The following FBN3 variants were observed in gnomAD, a reference collection of about 807,000 sequenced individuals.
FBN3 encodes fibrillin-3.
Under a neutral mutation model 330.1 loss-of-function variants are expected in FBN3, and 234 were observed. The observed-to-expected ratio is 0.71, with a 90% CI of 0.64 to 0.79. The LOEUF (loss-of-function observed/expected upper bound fraction) is 0.79. Among genes scored for constraint, FBN3 ranks in the 30% least tolerant of loss-of-function variants. FBN3 has a pLI of 0.00. For missense variants in FBN3, 3,606 were observed against 3,886.9 expected (o/e 0.93, Z 1.92); for synonymous variants, 1,458 against 1,517.3 (o/e 0.96, Z 0.91).
chr19:8,115,282 C>T lies in FBN3; in HGVS notation c.3838+233G>A, dbSNP rs533897110. The stretch of plus-strand genomic sequence containing the variant: ...ATTGCATCAAATTATGAGGGATTCA[C>T]GTTTCAGAAATGCTGCTGCAGACAC... On this transcript the variant is annotated intron_variant, in intron 30 of 63. Coordinates refer to ENST00000600128, the MANE Select transcript of FBN3 (RefSeq NM_032447.5). Among the ~76,000 whole-genome samples the T allele has an allele frequency of 3.9e-5, 6 of 152,330 alleles. No homozygotes were observed. In the South Asian group the frequency reaches 8.3e-4, roughly 21 times the overall value.
intron 63 of FBN3, among the ~76,000 whole-genome samples, chr19:8,067,857 G>A (rs1247378534): frequency 6.6e-6 from 1 of 152,120 alleles, no homozygotes; most frequent in Non-Finnish European, 1.5e-5. Flanking sequence ...GAGCCCAGGA[G>A]TTCGAGACCA....
rs1599257083 is a variant in FBN3 at position 8,071,958 on chromosome 19, G to C, written c.8088+90C>G. 4.5e-6 allele frequency: 6 copies of C among 1,331,242 alleles called. No homozygotes were observed. In the East Asian group the frequency reaches 1.5e-4, roughly 34 times the overall value. 82.5% of individuals were successfully genotyped at this position (1,331,242 alleles called of 1,614,324 possible). The stretch of plus-strand genomic sequence containing the variant: ...CTGGAGCCTGGTGCTCCTTCTTGGG[G>C]GGGCTGACATGACTAAGTCGGGTCC... On this transcript the variant is annotated intron_variant, in intron 63 of 63. Coordinates refer to ENST00000600128, the MANE Select transcript of FBN3 (RefSeq NM_032447.5).
chr19:8,090,439 T>C (rs1599313343), intron 48 of FBN3, among the ~76,000 whole-genome samples, 188 bp from the exon 49 acceptor site: 1 of 151,506 alleles, frequency 6.6e-6, no homozygotes, highest in Admixed American at 6.6e-5. Flanking sequence ...TCTGGGCCAA[T>C]GAGGATCTGC....
chr19:8,081,337 G>T, intron 58 of FBN3, 21 bp downstream of exon 58: 1 of 1,583,526 alleles, frequency 6.3e-7, no homozygotes, highest in East Asian at 2.2e-5. Flanking sequence ...TGGGAGTGGG[G>T]GAGAGTTGAA....
In FBN3 at chr19:8,081,460, C is replaced by T; in HGVS notation, c.7234G>A (p.Val2412Ile). Reference protein sequence around the residue: ...TCLDMDECSQVPKPCTFLCKN... With the variant: ...TCLDMDECSQIPKPCTFLCKN... ...CAGAGGAAGGTACATGGCTTGGGGA[C>T]CTGGCTGCACTCATCCATATCTGGG... The change falls in exon 58 of 64, where the codon GTC (valine) becomes ATC (isoleucine). Residue 2412 changes from valine to isoleucine, a missense_variant. Val to Ile is a conservative substitution (Grantham distance 29, BLOSUM62 3). Coordinates refer to ENST00000600128, the MANE Select transcript of FBN3 (RefSeq NM_032447.5). 2 of 1,608,550 alleles carry T rather than the reference C, an allele frequency of 1.2e-6. No homozygotes were observed. The highest frequency in any genetic ancestry group is 1.7e-6 in the Non-Finnish European group (2 of 1,177,684).
chr19:8,109,529 A>G lies in FBN3; in HGVS notation c.4456+102T>C. 6.5e-7 allele frequency: 1 copy of G among 1,539,538 alleles called. No individual in the cohort carries two copies. The highest frequency in any genetic ancestry group is 8.8e-7 in the Non-Finnish European group (1 of 1,131,694). On this transcript the variant is annotated intron_variant, in intron 35 of 63. Coordinates refer to ENST00000600128, the MANE Select transcript of FBN3 (RefSeq NM_032447.5). This position sits in a 1 kb window ranked among gnomAD's most constrained non-coding sequence, Gnocchi z 5.2. ...AGCAGATGTCCCGTTTGTCAGGAGC[A>G]GGTAGATTTGAACACGTTGACATCT...
At chr19:8,069,793 A>C (rs1239886786) in intron 63 of FBN3, among the ~76,000 whole-genome samples, 1 of 152,016 alleles carries the variant, frequency 6.6e-6, no homozygotes, top group Non-Finnish European at 1.5e-5. Flanking sequence ...TCACTATGTT[A>C]CCCGGGCTGG....
At chr19:8,090,645 G>A (rs528727878) in intron 48 of FBN3, among the ~76,000 whole-genome samples, 5 of 152,076 alleles carry the variant, frequency 3.3e-5, no homozygotes, top group South Asian at 2.1e-4. Flanking sequence ...CACCACACCC[G>A]GCTAATTTTT....
intron 18 of FBN3, among the ~76,000 whole-genome samples, chr19:8,128,414 A>G (rs958785245): frequency 1.3e-5 from 2 of 152,100 alleles, no homozygotes; most frequent in Non-Finnish European, 2.9e-5. Flanking sequence ...AAATACAAAA[A>G]TTATCTGGGC....
At chr19:8,083,479 G>T in intron 56 of FBN3, 107 bp from the exon 57 acceptor site, 1 of 1,393,846 alleles carries the variant, frequency 7.2e-7, no homozygotes, top group African/African-American at 1.4e-5. Context: ...GGAAAGTCCA[G>T]CCTCCCTTCC....
intron 18 of FBN3, among the ~76,000 whole-genome samples, 187 bp from the exon 19 acceptor site, chr19:8,127,019 A>G (rs2083006977): frequency 1.3e-5 from 2 of 149,882 alleles, no homozygotes; most frequent in African/African-American, 4.9e-5. Flanking sequence ...GTGTGTGTAC[A>G]TGCTGTAAGA....
chr19:8,144,137 A>C (rs1295387578), intron 6 of FBN3, among the ~76,000 whole-genome samples: 1 of 151,942 alleles, frequency 6.6e-6, no homozygotes, highest in Non-Finnish European at 1.5e-5. Flanking sequence ...AGTTAGGGTG[A>C]CTGGGTGTGG....
intron 28 of FBN3, 55 bp downstream of exon 28, chr19:8,117,114 A>ACAC: frequency 6.2e-7 from 1 of 1,605,878 alleles, no homozygotes. Flanking sequence ...GACCCAGCCA[A>ACAC]CACCTCCTCC....
Position 8,119,029 on chromosome 19 carries a change from G to A in FBN3, c.3212-7C>T. 2 of 1,590,698 alleles carry A rather than the reference G, an allele frequency of 1.3e-6. No homozygotes were observed. Among genetic ancestry groups the A allele is most frequent in the South Asian group, 1.1e-5 (1 of 90,280 alleles). ...CTTGCACACTCGTCCACGTCTGAAG[G>A]TTTGTGTGGAAAGAGAGAGCAGGCA... On this transcript the variant is annotated splice_region_variant and splice_polypyrimidine_tract_variant and intron_variant, in intron 25 of 63. Transcript: ENST00000600128.
chr19:8,091,442 C>G, intron 48 of FBN3, 23 bp downstream of exon 48: 1 of 1,592,952 alleles, frequency 6.3e-7, no homozygotes, highest in Non-Finnish European at 8.6e-7. Flanking sequence ...CCACCCTCTT[C>G]CCTAAGCCCT....
chr19:8,146,215 C>A lies in FBN3; in HGVS notation c.261G>T (p.Arg87Ser). 1 of 1,594,060 alleles carries A rather than the reference C, an allele frequency of 6.3e-7. No homozygotes were observed. Among genetic ancestry groups the A allele is most frequent in the Non-Finnish European group, 8.5e-7 (1 of 1,171,842 alleles). Residue 87 changes from arginine to serine, a missense_variant, in exon 4 of 64, where the codon AGG (arginine) becomes AGT (serine). Coordinates refer to ENST00000600128, the MANE Select transcript of FBN3 (RefSeq NM_032447.5). ...GRSQCVVPICRRACGEGFCSQ... is the reference protein window; with the variant it reads ...GRSQCVVPICSRACGEGFCSQ... ...AGCAGAAGCCTTCACCGCAGGCGCG[C>A]CTACAGATGGCTGGATGAGTGCAGC... is the stretch of plus-strand genomic sequence containing the variant.
At chr19:8,110,374 A>G (rs1334345577) in intron 34 of FBN3, among the ~76,000 whole-genome samples, 3 of 152,186 alleles carry the variant, frequency 2.0e-5, no homozygotes, top group African/African-American at 7.2e-5. Flanking sequence ...CCATATATAG[A>G]AAATACTTTC....
At chr19:8,126,920 A>T (rs1028843111) in intron 18 of FBN3, 88 bp from the exon 19 acceptor site, 14 of 1,458,684 alleles carry the variant, frequency 9.6e-6, no homozygotes, top group Admixed American at 7.5e-5. Flanking sequence ...GGGCCGCCGC[A>T]ACCGGTGGCA....
intron 62 of FBN3, 76 bp from the exon 63 acceptor site, chr19:8,072,274 C>A: frequency 7.0e-7 from 1 of 1,419,740 alleles, no homozygotes; most frequent in South Asian, 1.4e-5. Flanking sequence ...CGCTCCACCC[C>A]ATACTCCGTT....
Sources: gnomAD v4.1 joint callset for allele counts (sites outside exome capture counted in the v4.1 genomes callset) on GRCh38, gnomAD v4.1.1 for gene constraint, Gnocchi (gnomAD v3.1) non-coding constraint, MANE v1.5 for transcripts, NCBI Gene and HGNC (gene_info 2026-07-23, HGNC 2026-07-21) for gene names.